Variants in SIK2 observed in about 807,000 individuals in gnomAD.
SIK2 encodes serine/threonine-protein kinase SIK2.
SIK2 carries 29 observed loss-of-function variants against 103.2 expected under a neutral mutation model. The observed-to-expected ratio is 0.28, with a 90% CI of 0.21 to 0.38. The LOEUF is 0.38. Ranked by LOEUF, SIK2 falls within the 10% of genes least tolerant of loss-of-function variation. The pLI, the probability that SIK2 is intolerant of heterozygous loss-of-function variation, is 1.00. For synonymous variants in SIK2, 412 were observed against 446.1 expected, an observed-to-expected ratio of 0.92 and a Z score of 0.96; for missense variants, 879 against 1,171.0, an observed-to-expected ratio of 0.75 and a Z score of 3.64.
In SIK2 at chr11:111,698,778, G is replaced by A. The variant is rs565274843; in HGVS notation, c.479-2108G>A. 2.6e-5 allele frequency among the ~76,000 whole-genome samples: 4 copies of A among 152,270 alleles called. No individual in the cohort carries two copies. The South Asian group carries it at 8.3e-4, about 32-fold the overall frequency. ...TTTGGAGAGTATCCTCAATTTACAG[G>A]CACTAAAACTCATCCTGTGATTATG... On this transcript the variant is annotated intron_variant, in intron 4 of 14. Transcript: ENST00000304987.
At position 111,719,394 on chromosome 11, in the gene SIK2, TA is replaced by T. The variant is rs1343632389; in HGVS notation, c.1267-368del. Among the ~76,000 whole-genome samples the T allele has an allele frequency of 9.9e-3, 1,117 of 112,476 alleles. 12 individuals are homozygous for T. Among genetic ancestry groups the T allele is most frequent in the Middle Eastern group, 0.078 (16 of 206 alleles). 73.8% of individuals were successfully genotyped at this position (112,476 alleles called of 152,430 possible). A position where few individuals can be genotyped will look rare whatever the true frequency, so the allele number is the denominator to read the frequency against. ...TTTTTTTAGCAATGAGCCAAGTAGT[TA>T]AAAAAAAAAAAACAACTCATCTTCC... On this transcript the variant is annotated intron_variant, in intron 9 of 14. Transcript: ENST00000304987.
In SIK2 at chr11:111,708,198, A is replaced by G. The variant is rs145001528; in HGVS notation, c.1101+3059A>G. Among the ~76,000 whole-genome samples the G allele has an allele frequency of 7.4e-3, 1,133 of 152,216 alleles. 7 individuals carry two copies. The highest frequency in any genetic ancestry group is 0.061 in the Middle Eastern group (18 of 294). Reference sequence around the variant, plus strand: ...GGAGTTTGAGACCAGCCTGGGCAACATGGTGAAATGCCATCTCTACTAAAA... The same window carrying G: ...GGAGTTTGAGACCAGCCTGGGCAACGTGGTGAAATGCCATCTCTACTAAAA... On this transcript the variant is annotated intron_variant, in intron 8 of 14. Transcript: ENST00000304987.
chr11:111,644,281 CCATCT>C lies in SIK2; in HGVS notation c.316+23882_316+23886del, dbSNP rs1160282257. Among the ~76,000 whole-genome samples the C allele has an allele frequency of 2.9e-5, 4 of 137,592 alleles. No individual in the cohort carries two copies. The East Asian group carries it at 8.2e-4, about 28-fold the overall frequency. The allele number at this position is 137,592 out of a possible 152,430, so 90.3% of individuals were successfully genotyped here. A position where few individuals can be genotyped will look rare whatever the true frequency, so the allele number is the denominator to read the frequency against. On this transcript the variant is annotated intron_variant, in intron 3 of 14. Transcript: ENST00000304987. ...TCCAGCCTGGCGACAGAGCGAGACT[CCATCT>C]CAAAAAAAAAAAAAAAAAGAAAGAA...
chr11:111,662,190 A>G (rs1942476210), intron 3 of SIK2, among the ~76,000 whole-genome samples: 2 of 152,236 alleles, frequency 1.3e-5, no homozygotes, highest in African/African-American at 4.8e-5. Context: ...TGGAAACGTA[A>G]GATCCTGTTT....
chr11:111,706,228 TG>T (rs1047250617), intron 8 of SIK2, among the ~76,000 whole-genome samples: 1 of 152,266 alleles, frequency 6.6e-6, no homozygotes, highest in Non-Finnish European at 1.5e-5. Context: ...GTAAGTGCTA[TG>T]TAAGTACTTG....
intron 3 of SIK2, among the ~76,000 whole-genome samples, chr11:111,649,194 G>T (rs766546461): frequency 5.3e-5 from 8 of 152,084 alleles, no homozygotes; most frequent in Non-Finnish European, 7.4e-5. Flanking sequence ...CTCTCCATCT[G>T]TGAGTACAGC....
chr11:111,612,018 C>CGA (rs895090655), intron 1 of SIK2, among the ~76,000 whole-genome samples: 8 of 152,202 alleles, frequency 5.3e-5, no homozygotes, highest in Non-Finnish European at 1.2e-4. Context: ...CTTCTTCTTA[C>CGA]ATACCTATTA....
intron 8 of SIK2, among the ~76,000 whole-genome samples, chr11:111,709,088 C>T (rs532987687): frequency 3.2e-4 from 48 of 152,334 alleles, no homozygotes; most frequent in Non-Finnish European, 5.0e-4. Flanking sequence ...GCTTAAACAA[C>T]GGAAATTATT....
At position 111,724,601 on chromosome 11, in the gene SIK2, T is replaced by A. The variant is rs1943912027; in HGVS notation, c.*472T>A. The A allele has an allele frequency of 6.2e-6, 1 of 160,596 alleles. No homozygotes were observed. The highest frequency in any genetic ancestry group is 5.9e-5 in the Admixed American group (1 of 16,978). 9.9% of individuals were successfully genotyped at this position (160,596 alleles called of 1,614,324 possible). A position where few individuals can be genotyped will look rare whatever the true frequency, so the allele number is the denominator to read the frequency against. On this transcript the variant is annotated 3_prime_UTR_variant, in exon 15 of 15. Transcript: ENST00000304987. The stretch of plus-strand genomic sequence containing the variant: ...GGCAAATCAAGAAGACATCAGGAAA[T>A]CAGATGCACAGGAAATAAAGGAAAG...
chr11:111,657,740 G>A (rs1942410436), intron 3 of SIK2, among the ~76,000 whole-genome samples: 1 of 152,146 alleles, frequency 6.6e-6, no homozygotes, highest in Non-Finnish European at 1.5e-5. Context: ...AGAATTGGTG[G>A]GGGGAGGTGG....
intron 4 of SIK2, among the ~76,000 whole-genome samples, chr11:111,700,602 T>G (rs1253847413): frequency 6.6e-6 from 1 of 152,228 alleles, no homozygotes; most frequent in Non-Finnish European, 1.5e-5. Context: ...ACTTTAAGGC[T>G]GATTTTCTTT....
chr11:111,675,820 TG>T lies in SIK2; in HGVS notation c.317-12177del, dbSNP rs1293449244. Among the ~76,000 whole-genome samples the T allele has an allele frequency of 1.6e-3, 245 of 152,322 alleles. 2 individuals carry two copies. Among genetic ancestry groups the T allele is most frequent in the Non-Finnish European group, 6.0e-4 (41 of 68,032 alleles). ...GTTACATGGGTAAATTGTATGTTCC[TG>T]GGGTTTGGATATACAAATTATTTTG... On this transcript the variant is annotated intron_variant, in intron 3 of 14. Transcript: ENST00000304987.
chr11:111,685,956 A>G (rs2135891466), intron 3 of SIK2, among the ~76,000 whole-genome samples: 1 of 152,352 alleles, frequency 6.6e-6, no homozygotes, highest in Non-Finnish European at 1.5e-5. Context: ...TTACAGCCCC[A>G]GATTGACTGT....
chr11:111,606,306 A>G (rs912259148), intron 1 of SIK2, among the ~76,000 whole-genome samples: 1 of 151,596 alleles, frequency 6.6e-6, no homozygotes, highest in East Asian at 1.9e-4. Flanking sequence ...GTAGTCTCTT[A>G]TTATAATATA....
rs1291178134 is a variant in SIK2 at position 111,688,823 on chromosome 11, A to G, written c.478+661A>G. ...GTTAAGTACAATATGATATGTGGAA[A>G]TCATTTCACAACATATCCATATATA... On this transcript the variant is annotated intron_variant, in intron 4 of 14. Transcript: ENST00000304987. This position sits in a 1 kb window ranked among gnomAD's most constrained non-coding sequence, Gnocchi z 4.2. Among the ~76,000 whole-genome samples the G allele has an allele frequency of 6.6e-6, 1 of 152,234 alleles. No homozygotes were observed. The highest frequency in any genetic ancestry group is 1.5e-5 in the Non-Finnish European group (1 of 68,042).
At chr11:111,617,842 G>A (rs1474249217) in intron 2 of SIK2, among the ~76,000 whole-genome samples, 1 of 149,122 alleles carries the variant, frequency 6.7e-6, no homozygotes, top group African/African-American at 2.4e-5. Context: ...TTGTGTATGT[G>A]TGTGTGTGTA....
intron 3 of SIK2, among the ~76,000 whole-genome samples, chr11:111,648,583 A>G (rs1231979259): frequency 1.3e-5 from 2 of 152,074 alleles, no homozygotes; most frequent in African/African-American, 2.4e-5. Context: ...ACCATAGCAT[A>G]TAATATGGGC....
chr11:111,663,942 G>A (rs1942500818), intron 3 of SIK2, among the ~76,000 whole-genome samples: 1 of 152,146 alleles, frequency 6.6e-6, no homozygotes, highest in Non-Finnish European at 1.5e-5. Context: ...GCCAATAAGT[G>A]GTGGCACTGG....
intron 3 of SIK2, among the ~76,000 whole-genome samples, chr11:111,684,981 G>C (rs1471829941): frequency 1.3e-5 from 2 of 152,198 alleles, no homozygotes; most frequent in African/African-American, 2.4e-5. Context: ...TTATACATGG[G>C]ATGCTTTGTG....
Sources: allele counts gnomAD v4.1 joint callset (sites outside exome capture counted in the v4.1 genomes callset), GRCh38; gene constraint gnomAD v4.1.1; non-coding constraint Gnocchi (gnomAD v3.1); transcripts MANE v1.5; gene names NCBI Gene and HGNC (gene_info 2026-07-23, HGNC 2026-07-21).